Variants in SCNN1B observed in about 807,000 individuals in gnomAD.
The protein encoded by SCNN1B is sodium channel epithelial 1 subunit beta, also known as epithelial sodium channel subunit beta.
SCNN1B carries 46 observed loss-of-function variants against 65.3 expected under a neutral mutation model. The observed-to-expected ratio is 0.70, with a 90% CI of 0.56 to 0.90. The LOEUF is 0.90. SCNN1B is among the 40% of genes least tolerant of loss of function. SCNN1B has a pLI of 0.00. For missense variants in SCNN1B, 751 were observed against 830.5 expected, an observed-to-expected ratio of 0.90 and a Z score of 1.18; for synonymous variants, 349 against 330.6, an observed-to-expected ratio of 1.06 and a Z score of -0.60.
At chr16:23,280,753 T>A (rs1960772972) in intron 1 of SCNN1B, among the ~76,000 whole-genome samples, 1 of 152,216 alleles carries the variant, frequency 6.6e-6, no homozygotes, top group Admixed American at 6.5e-5. Context: ...GTTCCCCAAG[T>A]GACCATGTGC....
chr16:23,376,822 C>T (rs1449355745), intron 8 of SCNN1B, among the ~76,000 whole-genome samples: 1 of 151,596 alleles, frequency 6.6e-6, no homozygotes, highest in Admixed American at 6.6e-5. Context: ...CAGCCGGAGA[C>T]TCACCACTTA....
In SCNN1B at chr16:23,337,933, C is replaced by T. The variant is rs557261003; in HGVS notation, c.-8-10659C>T. Among the ~76,000 whole-genome samples the T allele has an allele frequency of 3.7e-4, 56 of 151,968 alleles. No individual in the cohort carries two copies. The East Asian group carries it at 8.4e-3, about 23-fold the overall frequency. On this transcript the variant is annotated intron_variant, in intron 1 of 12. Coordinates refer to ENST00000343070, the MANE Select transcript of SCNN1B (RefSeq NM_000336.3). ...AAAAATAATAATAACAAAAATTAGC[C>T]GGGTGGCACGCACCTGTAGTCCCAG...
intron 1 of SCNN1B, among the ~76,000 whole-genome samples, chr16:23,305,567 TATATATATA>T (rs1567290401): frequency 9.2e-5 from 5 of 54,374 alleles, no homozygotes; most frequent in African/African-American, 3.0e-4. Flanking sequence ...TATATATATA[TATATATATA>T]TTATATATAT....
At chr16:23,358,228 C>T (rs1306427137) in intron 4 of SCNN1B, 1 of 152,160 alleles carries the variant, frequency 6.6e-6, no homozygotes, top group Admixed American at 6.5e-5. Flanking sequence ...ACGGGTGGTC[C>T]CCCAAGGGAA....
chr16:23,371,553 A>C, intron 6 of SCNN1B, 91 bp downstream of exon 6: 6 of 1,352,326 alleles, frequency 4.4e-6, no homozygotes, highest in Non-Finnish European at 6.3e-6. Context: ...GGAGGAGGGG[A>C]TCTGGGCCCC....
intron 1 of SCNN1B, among the ~76,000 whole-genome samples, chr16:23,324,847 T>C (rs1290916774): frequency 6.6e-6 from 1 of 152,332 alleles, no homozygotes; most frequent in South Asian, 2.1e-4. Flanking sequence ...CCTGGGCAAG[T>C]GGCCACTTCC....
At position 23,380,038 on chromosome 16, in the gene SCNN1B, C is replaced by G; in HGVS notation, c.1467-56C>G. The G allele has an allele frequency of 2.3e-6, 3 of 1,281,866 alleles. No individual in the cohort carries two copies. The highest frequency in any genetic ancestry group is 1.2e-5 in the South Asian group (1 of 84,218). 79.4% of individuals were successfully genotyped at this position (1,281,866 alleles called of 1,614,324 possible). On this transcript the variant is annotated intron_variant, in intron 11 of 12. Transcript: ENST00000343070. This position sits in a 1 kb window ranked among gnomAD's most constrained non-coding sequence, Gnocchi z 5.4. ...TGTGTCTATGTGCGTGTGTGTGTGTCTGTCTGTTTGGAAGGGGGATACATT... is the reference window on the plus strand; with the variant it reads ...TGTGTCTATGTGCGTGTGTGTGTGTGTGTCTGTTTGGAAGGGGGATACATT...
upstream of SCNN1B, among the ~76,000 whole-genome samples, chr16:23,298,223 C>A (rs1961024909): frequency 1.3e-5 from 2 of 152,198 alleles, no homozygotes; most frequent in Non-Finnish European, 2.9e-5. Context: ...GAATCTTCAT[C>A]CATAAAAAGA....
chr16:23,323,929 C>T (rs142112256), intron 1 of SCNN1B, among the ~76,000 whole-genome samples: 63 of 152,322 alleles, frequency 4.1e-4, no homozygotes, highest in South Asian at 8.3e-4. Flanking sequence ...ACCACCTACA[C>T]ATTTCATCCT....
intron 1 of SCNN1B, among the ~76,000 whole-genome samples, chr16:23,305,577 T>TATATTA (rs1418310041): frequency 4.2e-5 from 1 of 23,666 alleles, no homozygotes; most frequent in Non-Finnish European, 6.8e-5. Context: ...TATATATATA[T>TATATTA]TATATATATA....
upstream of SCNN1B, among the ~76,000 whole-genome samples, chr16:23,300,441 C>T (rs998670259): frequency 6.6e-6 from 1 of 151,946 alleles, no homozygotes; most frequent in African/African-American, 2.4e-5. Context: ...AGATTGCAGC[C>T]GACTGAATAC....
chr16:23,339,760 G>T (rs1011358809), intron 1 of SCNN1B, among the ~76,000 whole-genome samples: 7 of 151,980 alleles, frequency 4.6e-5, no homozygotes, highest in East Asian at 1.9e-4. Context: ...TAGAGACAGG[G>T]TTTCACCATG....
At chr16:23,350,296 A>G (rs1962281102) in intron 2 of SCNN1B, among the ~76,000 whole-genome samples, 1 of 152,094 alleles carries the variant, frequency 6.6e-6, no homozygotes. Context: ...AGACTGTGGG[A>G]TTTGAATCTA....
intron 5 of SCNN1B, among the ~76,000 whole-genome samples, chr16:23,369,490 C>T (rs1278194205): frequency 3.3e-5 from 5 of 152,092 alleles, no homozygotes; most frequent in African/African-American, 1.2e-4. Context: ...CCTCGGGGCT[C>T]ATGTGTTGCA....
Position 23,380,329 on chromosome 16 carries a change from C to T in SCNN1B, c.1543-92C>T, listed in dbSNP as rs547342941. 6.2e-6 allele frequency: 10 copies of T among 1,600,832 alleles called. No homozygotes were observed. The Admixed American group carries it at 1.7e-4, about 27-fold the overall frequency. On this transcript the variant is annotated intron_variant, in intron 12 of 12. Transcript: ENST00000343070. The surrounding 1 kb of genome is among the most constrained non-coding windows in gnomAD (Gnocchi z 5.4). ...CCAAGATGGTCACCCCCTCCCGTTC[C>T]CACCCAAGAATCACCTCCCAGGAAG...
At chr16:23,375,543 A>G (rs1962874907) in intron 7 of SCNN1B, among the ~76,000 whole-genome samples, 195 bp from the exon 8 acceptor site, 1 of 152,160 alleles carries the variant, frequency 6.6e-6, no homozygotes. Flanking sequence ...TGGGAAGCCC[A>G]AAAGCGTCCA....
chr16:23,309,186 C>A (rs1056119107), intron 1 of SCNN1B, among the ~76,000 whole-genome samples: 1 of 152,042 alleles, frequency 6.6e-6, no homozygotes, highest in African/African-American at 2.4e-5. Context: ...GTTCCTAGAA[C>A]TATTATTCTT....
chr16:23,353,297 A>C (rs1311693299), intron 3 of SCNN1B: 1 of 593,848 alleles, frequency 1.7e-6, no homozygotes, highest in Non-Finnish European at 3.0e-6. Flanking sequence ...TAAGCAAAAC[A>C]GGCGATTCAT....
At chr16:23,366,072 T>C (rs1962663071) in intron 4 of SCNN1B, among the ~76,000 whole-genome samples, 1 of 152,230 alleles carries the variant, frequency 6.6e-6, no homozygotes, top group Admixed American at 6.5e-5. Context: ...CCCATAAAAG[T>C]CACTCAGTGA....
Sources: allele counts gnomAD v4.1 joint callset (sites outside exome capture counted in the v4.1 genomes callset), GRCh38; gene constraint gnomAD v4.1.1; non-coding constraint Gnocchi (gnomAD v3.1); transcripts MANE v1.5; gene names NCBI Gene and HGNC (gene_info 2026-07-23, HGNC 2026-07-21).